Variants in SYCE1 observed in about 807,000 individuals in gnomAD.
SYCE1 encodes the protein synaptonemal complex central element protein 1.
SYCE1 carries 37 observed loss-of-function variants against 55.1 expected under a neutral mutation model. The observed-to-expected ratio is 0.67, with a 90% CI of 0.52 to 0.88. The LOEUF (loss-of-function observed/expected upper bound fraction) is 0.88. Among genes scored for constraint, SYCE1 ranks in the 40% least tolerant of loss-of-function variants. The pLI is 0.00. For missense variants in SYCE1, 399 were observed against 416.4 expected, an observed-to-expected ratio of 0.96 and a Z score of 0.36; for synonymous variants, 163 against 159.4, an observed-to-expected ratio of 1.02 and a Z score of -0.17.
upstream of SYCE1, among the ~76,000 whole-genome samples, chr10:133,567,232 G>A (rs1851965567): frequency 6.6e-6 from 1 of 151,532 alleles, no homozygotes; most frequent in South Asian, 2.1e-4. Context: ...TGTCGGGGTT[G>A]GGTTGGAGGC....
chr10:133,565,566 G>T lies in SYCE1; in HGVS notation c.-37C>A. The T allele has an allele frequency of 1.9e-6, 3 of 1,543,274 alleles. No homozygotes were observed. Among genetic ancestry groups the T allele is most frequent in the Non-Finnish European group, 2.6e-6 (3 of 1,143,910 alleles). On this transcript the variant is annotated 5_prime_UTR_variant, in exon 1 of 13. Coordinates refer to ENST00000343131, the MANE Select transcript of SYCE1 (RefSeq NM_001143764.3). The stretch of plus-strand genomic sequence containing the variant: ...TCGCCAGCGAGGGTGCCTCGGGAGG[G>T]AGCCTCCAGTGGTGATTGGAGCAAC...
rs1303158815 is a variant in SYCE1 at position 133,558,735 on chromosome 10, G to A, written c.271+142C>T. On this transcript the variant is annotated intron_variant, in intron 4 of 12. Transcript: ENST00000343131. ...CCTGAACACTCCCACAAGCAGAGAG[G>A]AGAGGGGGAGATTGGCAGGACATGA... The A allele has an allele frequency of 3.8e-6, 3 of 787,016 alleles. No homozygotes were observed. The African/African-American group carries it at 5.2e-5, about 14-fold the overall frequency. 48.8% of individuals were successfully genotyped at this position (787,016 alleles called of 1,614,324 possible).
intron 1 of SYCE1, among the ~76,000 whole-genome samples, chr10:133,564,570 C>T (rs1564859179): frequency 6.6e-6 from 1 of 152,174 alleles, no homozygotes. Flanking sequence ...GGGATGCTTT[C>T]TGTGCTAAGC....
intron 1 of SYCE1, among the ~76,000 whole-genome samples, chr10:133,563,500 G>A (rs116194527): frequency 0.013 from 1,945 of 151,998 alleles, no homozygotes; most frequent in African/African-American, 0.045. Flanking sequence ...CCTGAGCAAT[G>A]CAGCAAGACC....
At chr10:133,559,095 G>T in intron 3 of SYCE1, 144 bp from the exon 4 acceptor site, 1 of 988,564 alleles carries the variant, frequency 1.0e-6, no homozygotes, top group South Asian at 1.7e-5. Context: ...CTCCTTGCCA[G>T]GCTCTGCTGA....
rs150166113 is a variant in SYCE1 at position 133,558,915 on chromosome 10, C to T, written c.233G>A (p.Arg78Gln). The stretch of plus-strand genomic sequence containing the variant: ...CTTCTGCAGGGCCTCACAGATGGTC[C>T]GGGCCTCTCCTAGGTCTTTATTGGC... Reference protein sequence around the residue: ...KKANKDLGEARTICEALQKEL... With the variant: ...KKANKDLGEAQTICEALQKEL... Residue 78 changes from arginine (R) to glutamine (Q), a missense_variant, in exon 4 of 13, where the codon CGG (arginine) becomes CAG (glutamine). Transcript: ENST00000343131. 87 of 1,612,186 alleles carry T rather than the reference C, an allele frequency of 5.4e-5. No homozygotes were observed. The African/African-American group carries it at 9.4e-4, about 17-fold the overall frequency.
intron 1 of SYCE1, among the ~76,000 whole-genome samples, chr10:133,564,178 G>A (rs1851875226): frequency 6.6e-6 from 1 of 152,120 alleles, no homozygotes; most frequent in African/African-American, 2.4e-5. Flanking sequence ...AGGGCCCTCA[G>A]CAATGGGATT....
intron 4 of SYCE1, chr10:133,558,495 C>A: frequency 1.8e-6 from 1 of 555,852 alleles, no homozygotes; most frequent in Non-Finnish European, 3.2e-6. Flanking sequence ...GGGATAAGGG[C>A]TATAAAGAAA....
At chr10:133,561,453 T>A (rs756519108) in intron 1 of SYCE1, among the ~76,000 whole-genome samples, 40 of 152,310 alleles carry the variant, frequency 2.6e-4, no homozygotes, top group Non-Finnish European at 5.3e-4. Flanking sequence ...ACAACTCTAC[T>A]CTTTTTTTGG....
Position 133,558,994 on chromosome 10 carries a change from A to G in SYCE1, c.197-43T>C, listed in dbSNP as rs757807433. ...AAAACATTGTGTGAGTGCAGCCTCT[A>G]TTCTCTTCCCAACAGTGACATTTCT... is the stretch of plus-strand genomic sequence containing the variant. On this transcript the variant is annotated intron_variant, in intron 3 of 12. Coordinates refer to ENST00000343131, the MANE Select transcript of SYCE1 (RefSeq NM_001143764.3). The G allele has an allele frequency of 7.0e-6, 11 of 1,569,856 alleles. No homozygotes were observed. The Admixed American group carries it at 9.3e-5, about 13-fold the overall frequency.
Position 133,565,483 on chromosome 10 carries a change from G to T in SYCE1, c.47C>A (p.Ala16Asp). The T allele has an allele frequency of 1.3e-6, 2 of 1,550,130 alleles. No homozygotes were observed. The highest frequency in any genetic ancestry group is 8.7e-7 in the Non-Finnish European group (1 of 1,146,786). The change falls in exon 1 of 13, where the codon GCC becomes GAC. Residue 16 changes from alanine (A) to aspartate (D), a missense_variant. By Grantham distance (126) the Ala-to-Asp change is moderately radical. Coordinates refer to ENST00000343131, the MANE Select transcript of SYCE1 (RefSeq NM_001143764.3). Reference protein sequence around the residue: ...LTSKAEPTAGAVDRAEKAGGQ... With the variant: ...LTSKAEPTAGDVDRAEKAGGQ... ...TCCGGCCTTCTCAGCCCTGTCCACG[G>T]CTCCTGCGGTGGGCTCGGCCTTCGA...
At chr10:133,554,309 G>T (rs1851597266), downstream of SYCE1, 12 of 1,614,068 alleles carry the variant, frequency 7.4e-6, no homozygotes, top group Non-Finnish European at 9.3e-6. Context: ...CCATGTCACT[G>T]GTCTACCTGG....
chr10:133,556,165 C>T (rs1275938780), intron 8 of SYCE1, 118 bp from the exon 9 acceptor site: 2 of 1,150,732 alleles, frequency 1.7e-6, no homozygotes, highest in Non-Finnish European at 2.5e-6. Flanking sequence ...CAACTCTGCC[C>T]CTCTGTGCAC....
upstream of SYCE1, chr10:133,568,032 G>A (rs774489355): frequency 5.7e-5 from 35 of 615,326 alleles, no homozygotes; most frequent in African/African-American, 3.4e-4. Flanking sequence ...AGCCCAGGCC[G>A]GAGGATCCTG....
At chr10:133,565,855 G>T (rs898902627), upstream of SYCE1, among the ~76,000 whole-genome samples, 3 of 152,232 alleles carry the variant, frequency 2.0e-5, no homozygotes, top group African/African-American at 7.2e-5. Flanking sequence ...CCCCACCAAC[G>T]AGCAGTACGC....
Position 133,554,850 on chromosome 10 carries a change from G to C in SYCE1, c.*142C>G, listed in dbSNP as rs1029029750. On this transcript the variant is annotated 3_prime_UTR_variant, in exon 13 of 13. Coordinates refer to ENST00000343131, the MANE Select transcript of SYCE1 (RefSeq NM_001143764.3). ...GAGATGAGCAATCCAGAGACCAGGA[G>C]GTTAAGGAAGCATTTATTGAAAACC... 1 of 1,448,808 alleles carries C rather than the reference G, an allele frequency of 6.9e-7. No homozygotes were observed. The highest frequency in any genetic ancestry group is 9.1e-7 in the Non-Finnish European group (1 of 1,103,768). The allele number at this position is 1,448,808 out of a possible 1,614,324, so 89.7% of individuals were successfully genotyped here.
Position 133,565,502 on chromosome 10 carries a change from C to G in SYCE1, c.28G>C (p.Ala10Pro), listed in dbSNP as rs1851907927. The G allele has an allele frequency of 6.5e-7, 1 of 1,550,022 alleles. No individual in the cohort carries two copies. Among genetic ancestry groups the G allele is most frequent in the African/African-American group, 1.4e-5 (1 of 73,044 alleles). MAGRSLTSKAEPTAGAVDRA... is the reference protein window; with the variant it reads MAGRSLTSKPEPTAGAVDRA... ...TCCACGGCTCCTGCGGTGGGCTCGG[C>G]CTTCGATGTCAGGGACCTCCCCGCC... The change falls in exon 1 of 13, where the codon GCC becomes CCC. Residue 10 changes from alanine to proline, a missense_variant. Transcript: ENST00000343131.
chr10:133,563,875 A>G (rs1258993059), intron 1 of SYCE1, among the ~76,000 whole-genome samples: 1 of 152,176 alleles, frequency 6.6e-6, no homozygotes, highest in Non-Finnish European at 1.5e-5. Context: ...TGAAACACCA[A>G]CATTCCCTTT....
chr10:133,557,023 A>C, intron 7 of SYCE1, 44 bp downstream of exon 7: 2 of 1,581,480 alleles, frequency 1.3e-6, no homozygotes, highest in Non-Finnish European at 8.7e-7. Context: ...TTATATCCCA[A>C]CTACTGGCCA....
Sources: allele counts gnomAD v4.1 joint callset (sites outside exome capture counted in the v4.1 genomes callset), GRCh38; gene constraint gnomAD v4.1.1; transcripts MANE v1.5; gene names NCBI Gene and HGNC (gene_info 2026-07-23, HGNC 2026-07-21).